Variants in ABCC4 observed in about 807,000 individuals in gnomAD.
ABCC4 encodes the protein ATP binding cassette subfamily C member 4 (PEL blood group).
A neutral mutation model predicts 168.5 loss-of-function variants in ABCC4; 102 were observed. The observed-to-expected ratio is 0.61, with a 90% CI of 0.52 to 0.71. The LOEUF (loss-of-function observed/expected upper bound fraction) is 0.71. ABCC4 is among the 30% of genes least tolerant of loss of function. The pLI is 0.00. For synonymous variants in ABCC4, 617 were observed against 590.7 expected, an observed-to-expected ratio of 1.04 and a Z score of -0.65; for missense variants, 1,402 against 1,605.8, an observed-to-expected ratio of 0.87 and a Z score of 2.17.
At chr13:95,069,027 G>T (rs1363808277) in intron 25 of ABCC4, among the ~76,000 whole-genome samples, 6 of 152,188 alleles carry the variant, frequency 3.9e-5, no homozygotes, top group Admixed American at 1.3e-4. Context: ...AGCTTTTGCT[G>T]GTTCCCTGGG....
At chr13:95,196,685 GA>G (rs1203712095) in intron 8 of ABCC4, among the ~76,000 whole-genome samples, 1 of 60,278 alleles carries the variant, frequency 1.7e-5, no homozygotes, top group Non-Finnish European at 3.8e-5. Context: ...AGGAAGGAAG[GA>G]AGGAAGGAAG....
intron 1 of ABCC4, among the ~76,000 whole-genome samples, chr13:95,275,063 C>T (rs1328085806): frequency 1.3e-5 from 2 of 152,120 alleles, no homozygotes; most frequent in Non-Finnish European, 2.9e-5. Context: ...GGCAACAGAG[C>T]AAGACTCCGT....
At chr13:95,164,242 C>T (rs1383201963) in intron 16 of ABCC4, 136 bp downstream of exon 16, 1 of 1,034,046 alleles carries the variant, frequency 9.7e-7, no homozygotes, top group Non-Finnish European at 1.4e-6. Flanking sequence ...CACCAGTAGG[C>T]AGCCCTCACT....
At chr13:95,185,735 T>C (rs2038036869) in intron 11 of ABCC4, among the ~76,000 whole-genome samples, 1 of 151,366 alleles carries the variant, frequency 6.6e-6, no homozygotes, top group Admixed American at 6.6e-5. Context: ...TTTTTCTATC[T>C]TCTAGAACTT....
At chr13:95,210,841 G>T in intron 4 of ABCC4, 60 bp from the exon 5 acceptor site, 2 of 1,299,746 alleles carry the variant, frequency 1.5e-6, no homozygotes, top group Non-Finnish European at 2.2e-6. Context: ...GTCAGGCTTA[G>T]GACACAGCAG....
chr13:95,121,426 T>C (rs572771960), intron 19 of ABCC4, among the ~76,000 whole-genome samples: 10 of 140,484 alleles, frequency 7.1e-5, no homozygotes, highest in South Asian at 4.3e-4. Flanking sequence ...ATGGGGTTTT[T>C]TTTTGTTTTT....
intron 1 of ABCC4, among the ~76,000 whole-genome samples, chr13:95,287,190 T>C (rs2041279422): frequency 6.6e-6 from 1 of 151,632 alleles, no homozygotes; most frequent in African/African-American, 2.4e-5. Flanking sequence ...TTCAGCTACC[T>C]GGGAGGCTGA....
chr13:95,294,192 T>A (rs7333775), intron 1 of ABCC4, among the ~76,000 whole-genome samples: 43,342 of 151,428 alleles, frequency 0.29, 7,710 homozygotes, highest in African/African-American at 0.51. Context: ...AAATACAAAA[T>A]AAATAAATAA....
intron 9 of ABCC4, among the ~76,000 whole-genome samples, chr13:95,190,314 G>A (rs1026162844): frequency 1.2e-4 from 18 of 152,314 alleles, no homozygotes; most frequent in African/African-American, 4.3e-4. Context: ...ACTCTAACCC[G>A]GGTGACACAG....
At chr13:95,097,159 T>C (rs1284827658) in intron 20 of ABCC4, among the ~76,000 whole-genome samples, 3 of 151,916 alleles carry the variant, frequency 2.0e-5, no homozygotes, top group Admixed American at 6.6e-5. Context: ...ATATGTAAAC[T>C]CTAGAGCAAC....
chr13:95,121,795 C>G (rs2139426703), intron 19 of ABCC4, among the ~76,000 whole-genome samples: 1 of 152,220 alleles, frequency 6.6e-6, no homozygotes, highest in Middle Eastern at 3.4e-3. Context: ...CAAGCACACC[C>G]AACCCCAGAC....
At chr13:95,196,672 GGAA>G (rs2038453245) in intron 8 of ABCC4, among the ~76,000 whole-genome samples, 1 of 36,826 alleles carries the variant, frequency 2.7e-5, no homozygotes, top group African/African-American at 1.1e-4. Context: ...AAGGAAGGAA[GGAA>G]GGAAGGAAGG....
chr13:95,063,614 G>C (rs2033384055), intron 25 of ABCC4, among the ~76,000 whole-genome samples: 1 of 152,136 alleles, frequency 6.6e-6, no homozygotes, highest in Non-Finnish European at 1.5e-5. Flanking sequence ...CAGTTCAAAA[G>C]GCATGCTGCA....
intron 29 of ABCC4, among the ~76,000 whole-genome samples, chr13:95,042,112 C>T (rs1403454970): frequency 6.6e-6 from 1 of 152,080 alleles, no homozygotes; most frequent in South Asian, 2.1e-4. Context: ...AGAAGGAAAG[C>T]TCCATGTTGA....
At chr13:95,184,052 C>T (rs897650888) in intron 11 of ABCC4, among the ~76,000 whole-genome samples, 1 of 152,244 alleles carries the variant, frequency 6.6e-6, no homozygotes, top group Admixed American at 6.5e-5. Flanking sequence ...CATGCTTACA[C>T]ACATCCAGGA....
intron 8 of ABCC4, among the ~76,000 whole-genome samples, chr13:95,197,194 A>G (rs2038481362): frequency 6.6e-6 from 1 of 152,228 alleles, no homozygotes; most frequent in Non-Finnish European, 1.5e-5. Context: ...TCACAGATAC[A>G]TGCTACAGTC....
At chr13:95,069,086 A>T (rs2033641534) in intron 25 of ABCC4, among the ~76,000 whole-genome samples, 1 of 152,230 alleles carries the variant, frequency 6.6e-6, no homozygotes, top group Admixed American at 6.5e-5. Flanking sequence ...GCACAAGGGT[A>T]TCATTCATTC....
At chr13:95,127,015 G>T (rs2035805471) in intron 19 of ABCC4, among the ~76,000 whole-genome samples, 1 of 151,578 alleles carries the variant, frequency 6.6e-6, no homozygotes, top group South Asian at 2.1e-4. Context: ...TACCTAAGCT[G>T]TCAGTTATAA....
intron 19 of ABCC4, among the ~76,000 whole-genome samples, chr13:95,142,939 T>C (rs1197882129): frequency 1.3e-5 from 2 of 152,210 alleles, no homozygotes; most frequent in African/African-American, 4.8e-5. Context: ...AAATGGATGA[T>C]AGAAGAATCT....
Sources: gnomAD v4.1 joint callset for allele counts (sites outside exome capture counted in the v4.1 genomes callset) on GRCh38, gnomAD v4.1.1 for gene constraint, MANE v1.5 for transcripts, NCBI Gene and HGNC (gene_info 2026-07-23, HGNC 2026-07-21) for gene names.